The following IGF1R variants were observed in gnomAD, a reference collection of about 807,000 sequenced individuals.
IGF1R encodes insulin like growth factor 1 receptor.
In IGF1R, 44 loss-of-function variants were observed where a neutral mutation model predicts 144.6. That is an observed-to-expected ratio of 0.30 (90% CI 0.24 to 0.39). The LOEUF (loss-of-function observed/expected upper bound fraction) is 0.39. IGF1R is among the 10% of genes least tolerant of loss of function. IGF1R has a pLI of 1.00. For synonymous variants in IGF1R, 795 were observed against 722.8 expected (o/e 1.10, Z -1.60); for missense variants, 1,355 against 1,833.7 (o/e 0.74, Z 4.77).
intron 2 of IGF1R, among the ~76,000 whole-genome samples, chr15:98,883,691 GTCC>G (rs992270852): frequency 6.6e-6 from 1 of 152,104 alleles, no homozygotes; most frequent in African/African-American, 2.4e-5. Context: ...CGGCTAGGCT[GTCC>G]TCCTCCTGTG....
Position 98,935,492 on chromosome 15 carries a change from C to A in IGF1R, c.3297+66C>A. ...TGCTCTCTTTTCCTTTATAATCTCC[C>A]TGCAAGGAAATGCTGTGTCTTTAAA... On this transcript the variant is annotated intron_variant, in intron 17 of 20. Transcript: ENST00000650285. This position sits in a 1 kb window ranked among gnomAD's most constrained non-coding sequence, Gnocchi z 4.2. 2 of 904,966 alleles carry A rather than the reference C, an allele frequency of 2.2e-6. No homozygotes were observed. The highest frequency in any genetic ancestry group is 2.8e-5 in the South Asian group (2 of 71,404). 56.1% of individuals were successfully genotyped at this position (904,966 alleles called of 1,614,324 possible).
At chr15:98,699,694 A>C (rs45485598) in intron 1 of IGF1R, among the ~76,000 whole-genome samples, 2,102 of 152,256 alleles carry the variant, frequency 0.014, 53 homozygotes, top group African/African-American at 0.049. Flanking sequence ...GGATAGAAAC[A>C]TCTCACCCAT....
intron 2 of IGF1R, among the ~76,000 whole-genome samples, chr15:98,884,179 C>T (rs534138138): frequency 2.0e-5 from 3 of 152,254 alleles, no homozygotes; most frequent in South Asian, 4.1e-4. Flanking sequence ...ACGGTGTGTG[C>T]TGTGATCTCT....
chr15:98,800,231 C>T (rs1047110531), intron 2 of IGF1R, among the ~76,000 whole-genome samples: 3 of 125,098 alleles, frequency 2.4e-5, no homozygotes, highest in African/African-American at 7.5e-5. Context: ...AGGGTGTGGG[C>T]GAGGGAGACA....
At chr15:98,814,953 A>C (rs749950475) in intron 2 of IGF1R, among the ~76,000 whole-genome samples, 4 of 152,234 alleles carry the variant, frequency 2.6e-5, no homozygotes, top group African/African-American at 4.8e-5. Flanking sequence ...TTTTAAACAC[A>C]AAAGGATATT....
rs2016422373 is a variant in IGF1R, at chr15:98,942,994, C to T, written c.3529C>T (p.Arg1177Cys). The change falls in exon 19 of 21, where the codon CGC (arginine) becomes TGC (cysteine). Residue 1177 changes from arginine to cysteine, a missense_variant. This residue lies in a region of IGF1R where 77 missense variants were observed against 163.2 expected (regional missense o/e 0.47). Transcript: ENST00000650285. ...AGGAGGGAAAGGGCTGCTGCCCGTG[C>T]GCTGGATGTCTCCTGAGTCCCTCAA... is the stretch of plus-strand genomic sequence containing the variant. ...RKGGKGLLPVRWMSPESLKDG... is the reference protein window; with the variant it reads ...RKGGKGLLPVCWMSPESLKDG... 6.2e-7 allele frequency: 1 copy of T among 1,613,980 alleles called. No homozygotes were observed. Among genetic ancestry groups the T allele is most frequent in the African/African-American group, 1.3e-5 (1 of 74,936 alleles).
chr15:98,864,295 G>A (rs2012313877), intron 2 of IGF1R, among the ~76,000 whole-genome samples: 1 of 152,208 alleles, frequency 6.6e-6, no homozygotes, highest in Non-Finnish European at 1.5e-5. Flanking sequence ...AAACAAGTTG[G>A]AGGAGGCCCC....
intron 11 of IGF1R, among the ~76,000 whole-genome samples, chr15:98,922,943 T>G (rs779068024): frequency 3.9e-5 from 6 of 152,176 alleles, no homozygotes; most frequent in Non-Finnish European, 8.8e-5. Context: ...TCTTTGAAGG[T>G]GGGTGCCTTC....
chr15:98,811,117 A>G (rs1201096034), intron 2 of IGF1R, among the ~76,000 whole-genome samples: 4 of 151,864 alleles, frequency 2.6e-5, no homozygotes, highest in African/African-American at 4.8e-5. Flanking sequence ...CCTGACCAAC[A>G]TGGAGAAACC....
intron 2 of IGF1R, among the ~76,000 whole-genome samples, chr15:98,815,169 T>C (rs2056669590): frequency 6.6e-6 from 1 of 152,258 alleles, no homozygotes; most frequent in Non-Finnish European, 1.5e-5. Context: ...AATAAAAAGT[T>C]TAAAAGAAAT....
chr15:98,939,225 A>T lies in IGF1R; in HGVS notation c.3322A>T (p.Ser1108Cys), dbSNP rs1471918967. 6.2e-7 allele frequency: 1 copy of T among 1,614,102 alleles called. No individual in the cohort carries two copies. The change falls in exon 18 of 21, where the codon AGC becomes TGC. Residue 1108 changes from serine (S) to cysteine (C), a missense_variant. Physicochemically the swap from Ser to Cys is moderately radical, Grantham distance 112. Coordinates refer to ENST00000650285, the MANE Select transcript of IGF1R (RefSeq NM_000875.5). Reference protein sequence around the residue: ...MENNPVLAPPSLSKMIQMAGE... With the variant: ...MENNPVLAPPCLSKMIQMAGE... ...GAATAATCCAGTCCTAGCACCTCCAAGCCTGAGCAAGATGATTCAGATGGC... is the reference window on the plus strand; with the variant it reads ...GAATAATCCAGTCCTAGCACCTCCATGCCTGAGCAAGATGATTCAGATGGC...
At chr15:98,763,713 C>G (rs112812916) in intron 2 of IGF1R, among the ~76,000 whole-genome samples, 15 of 152,214 alleles carry the variant, frequency 9.9e-5, no homozygotes, top group Non-Finnish European at 2.2e-4. Flanking sequence ...TGGTTTTAAC[C>G]TCTTTTGTGC....
chr15:98,721,401 A>G (rs766018803), intron 2 of IGF1R, among the ~76,000 whole-genome samples: 6 of 152,180 alleles, frequency 3.9e-5, no homozygotes, highest in Non-Finnish European at 8.8e-5. Context: ...CCTCACAGCT[A>G]ATGGGAAGCC....
intron 1 of IGF1R, among the ~76,000 whole-genome samples, chr15:98,701,462 A>G (rs1326791315): frequency 6.7e-6 from 1 of 149,248 alleles, no homozygotes; most frequent in South Asian, 2.1e-4. Flanking sequence ...TCAGCCTCCC[A>G]AGTAGCTGGG....
At chr15:98,917,022 G>A in intron 10 of IGF1R, 146 bp downstream of exon 10, 1 of 746,692 alleles carries the variant, frequency 1.3e-6, no homozygotes, top group Non-Finnish European at 2.3e-6. Context: ...AAGATGACAG[G>A]TTCGGTGAAG....
chr15:98,765,308 CTTTTTTT>C (rs139280569), intron 2 of IGF1R, among the ~76,000 whole-genome samples: 1,169 of 61,658 alleles, frequency 0.019, 21 homozygotes, highest in African/African-American at 0.075. Context: ...ATGCCAACAC[CTTTTTTT>C]TTTTTTTTTT....
At chr15:98,650,333 C>T (rs1421003265) in intron 1 of IGF1R, among the ~76,000 whole-genome samples, 3 of 152,212 alleles carry the variant, frequency 2.0e-5, no homozygotes, top group Non-Finnish European at 2.9e-5. Flanking sequence ...TTGGCCCGCT[C>T]CTCGTTGGGT....
chr15:98,853,779 C>G (rs1275813438), intron 2 of IGF1R, among the ~76,000 whole-genome samples: 1 of 152,174 alleles, frequency 6.6e-6, no homozygotes, highest in African/African-American at 2.4e-5. Flanking sequence ...GGCCCCTGAA[C>G]TTTTTCAGTG....
chr15:98,852,318 C>T (rs978429263), intron 2 of IGF1R, among the ~76,000 whole-genome samples: 1 of 152,172 alleles, frequency 6.6e-6, no homozygotes, highest in Admixed American at 6.5e-5. Context: ...CACCCCGCCC[C>T]GGGTGAGGGA....
Sources: gnomAD v4.1 joint callset for allele counts (sites outside exome capture counted in the v4.1 genomes callset) on GRCh38, gnomAD v4.1.1 for gene constraint, gnomAD v4.1.1 regional missense constraint, Gnocchi (gnomAD v3.1) non-coding constraint, MANE v1.5 for transcripts, NCBI Gene and HGNC (gene_info 2026-07-23, HGNC 2026-07-21) for gene names.